The following EHD4 variants were observed in gnomAD, a reference collection of about 807,000 sequenced individuals.
The protein encoded by EHD4 is EH domain containing 4.
In EHD4, 37 loss-of-function variants were observed where a neutral mutation model predicts 51.0. That is an observed-to-expected ratio of 0.73 (90% CI 0.56 to 0.95). The LOEUF (loss-of-function observed/expected upper bound fraction) is 0.95, where lower values mean the gene tolerates loss of function less well. EHD4 is among the 40% of genes least tolerant of loss of function. The pLI, the probability that EHD4 is intolerant of heterozygous loss-of-function variation, is 0.00. For synonymous variants in EHD4, 297 were observed against 317.3 expected (o/e 0.94, Z 0.68); for missense variants, 632 against 733.1 (o/e 0.86, Z 1.59).
chr15:41,920,364 G>A (rs1422686095), intron 3 of EHD4, among the ~76,000 whole-genome samples: 2 of 152,116 alleles, frequency 1.3e-5, no homozygotes, highest in Non-Finnish European at 2.9e-5. Context: ...ACACTCTTCA[G>A]CCCAAGGTCA....
intron 1 of EHD4, among the ~76,000 whole-genome samples, chr15:41,968,362 T>C (rs1463344354): frequency 1.3e-5 from 2 of 152,226 alleles, no homozygotes; most frequent in African/African-American, 4.8e-5. Flanking sequence ...TTGAGTGTTA[T>C]GAACAATGAA....
chr15:41,959,211 T>G (rs1043034992), intron 1 of EHD4, among the ~76,000 whole-genome samples: 6 of 151,682 alleles, frequency 4.0e-5, no homozygotes, highest in African/African-American at 1.5e-4. Flanking sequence ...GCTAACACGG[T>G]GAAACCCCGT....
intron 2 of EHD4, among the ~76,000 whole-genome samples, chr15:41,946,486 T>C (rs1157960302): frequency 2.0e-5 from 3 of 152,090 alleles, no homozygotes; most frequent in Non-Finnish European, 4.4e-5. Context: ...TCCCAGCACT[T>C]TGGAGGCTGA....
At chr15:41,949,807 A>G (rs2067841065) in intron 2 of EHD4, among the ~76,000 whole-genome samples, 1 of 152,178 alleles carries the variant, frequency 6.6e-6, no homozygotes, top group African/African-American at 2.4e-5. Flanking sequence ...TTAGAAAAGG[A>G]GACTGAGGAA....
intron 2 of EHD4, among the ~76,000 whole-genome samples, chr15:41,949,425 C>A (rs558644360): frequency 1.3e-5 from 2 of 152,062 alleles, no homozygotes; most frequent in South Asian, 4.2e-4. Flanking sequence ...CTGAGTGAAG[C>A]CTCGCTTAAT....
chr15:41,948,338 T>A (rs2067829094), intron 2 of EHD4, among the ~76,000 whole-genome samples: 1 of 152,122 alleles, frequency 6.6e-6, no homozygotes, highest in Admixed American at 6.6e-5. Context: ...GTTATTTTTT[T>A]AGGGACAAGG....
At chr15:41,969,174 C>G (rs2067980471) in intron 1 of EHD4, among the ~76,000 whole-genome samples, 1 of 152,214 alleles carries the variant, frequency 6.6e-6, no homozygotes. Flanking sequence ...AGTGACTTCC[C>G]TCTTTTTTCC....
chr15:41,943,338 A>C (rs1166286367), intron 2 of EHD4, among the ~76,000 whole-genome samples, 174 bp from the exon 3 acceptor site: 2 of 152,204 alleles, frequency 1.3e-5, no homozygotes, highest in African/African-American at 4.8e-5. Flanking sequence ...AGCTTGGAGG[A>C]GATTGATAGC....
chr15:41,920,371 G>C (rs1008050879), intron 3 of EHD4, among the ~76,000 whole-genome samples: 8 of 152,146 alleles, frequency 5.3e-5, no homozygotes, highest in African/African-American at 1.7e-4. Context: ...TCAGCCCAAG[G>C]TCAAGGCTCT....
chr15:41,902,836 T>TAC, intron 5 of EHD4, among the ~76,000 whole-genome samples: 1 of 104,976 alleles, frequency 9.5e-6, no homozygotes, highest in Non-Finnish European at 2.1e-5. Context: ...TATATATACA[T>TAC]ATGTATATAT....
chr15:41,927,006 G>C (rs1319871664), intron 3 of EHD4, among the ~76,000 whole-genome samples: 4 of 152,158 alleles, frequency 2.6e-5, no homozygotes, highest in Non-Finnish European at 5.9e-5. Context: ...AGTCTTCACT[G>C]TGTCTGTAAC....
intron 2 of EHD4, among the ~76,000 whole-genome samples, chr15:41,952,303 G>A (rs141396882): frequency 0.017 from 2,547 of 152,268 alleles, 21 homozygotes; most frequent in South Asian, 0.033. Flanking sequence ...TGGACTGTCA[G>A]CTCTAATGCT....
chr15:41,938,152 TGGATTTTGGA>T (rs1486234686), intron 3 of EHD4, among the ~76,000 whole-genome samples: 2 of 152,204 alleles, frequency 1.3e-5, no homozygotes, highest in Non-Finnish European at 2.9e-5. Flanking sequence ...CAAAAAGTTT[TGGATTTTGGA>T]GGATTTTGGA....
chr15:41,959,410 A>AG (rs1365689435), intron 1 of EHD4, among the ~76,000 whole-genome samples: 1 of 123,814 alleles, frequency 8.1e-6, no homozygotes, highest in East Asian at 2.3e-4. Context: ...AAAAAAAAAA[A>AG]AAAAAAAAAA....
At chr15:41,942,822 A>ACCCCACTCGTTTC in intron 3 of EHD4, 1 of 400,872 alleles carries the variant, frequency 2.5e-6, no homozygotes, top group Non-Finnish European at 4.7e-6. Flanking sequence ...CCCATTGTTT[A>ACCCCACTCGTTTC]CCCCACTCCT....
intron 3 of EHD4, chr15:41,942,627 T>G (rs972697589): frequency 1.2e-5 from 2 of 160,750 alleles, no homozygotes; most frequent in East Asian, 3.5e-4. Context: ...GAGAAACTTA[T>G]GCTTCGGCAC....
rs142353167 is a variant in EHD4, at chr15:41,938,037, G to T, written c.511+5030C>A. 3.3e-5 allele frequency among the ~76,000 whole-genome samples: 5 copies of T among 152,276 alleles called. No homozygotes were observed. The East Asian group carries it at 9.6e-4, about 29-fold the overall frequency. On this transcript the variant is annotated intron_variant, in intron 3 of 5. Transcript: ENST00000220325. ...GACACCATACACAGATGGCCTAAAG[G>T]TAATTTTACAGAACATTTAAAATAA...
intron 2 of EHD4, 62 bp downstream of exon 2, chr15:41,953,702 G>A (rs1231885471): frequency 3.1e-5 from 46 of 1,488,738 alleles, no homozygotes; most frequent in Non-Finnish European, 4.0e-5. Context: ...TATGTAACTG[G>A]CAGTAATTCA....
intron 4 of EHD4, among the ~76,000 whole-genome samples, chr15:41,914,395 G>A (rs1026528653): frequency 6.6e-6 from 1 of 152,208 alleles, no homozygotes; most frequent in African/African-American, 2.4e-5. Flanking sequence ...TAATAAGCCT[G>A]AGACCCAAAA....
Sources: gnomAD v4.1 joint callset for allele counts (sites outside exome capture counted in the v4.1 genomes callset) on GRCh38, gnomAD v4.1.1 for gene constraint, MANE v1.5 for transcripts, NCBI Gene and HGNC (gene_info 2026-07-23, HGNC 2026-07-21) for gene names.